The following QRICH1 variants were observed in gnomAD, a reference collection of about 807,000 sequenced individuals.
The protein encoded by QRICH1 is transcriptional regulator QRICH1.
In QRICH1, 16 loss-of-function variants were observed where a neutral mutation model predicts 87.1. The observed-to-expected ratio is 0.18, with a 90% CI of 0.12 to 0.28. The LOEUF is 0.28. Ranked by LOEUF, QRICH1 falls within the 10% of genes least tolerant of loss-of-function variation. The probability of loss-of-function intolerance (pLI) is 1.00; values close to 1 mark genes in which losing one functional copy is unlikely to be tolerated. For missense variants in QRICH1, 647 were observed against 951.7 expected (o/e 0.68, Z 4.21); for synonymous variants, 367 against 368.4 (o/e 1.00, Z 0.05).
At chr3:49,054,291 C>G (rs947210181) in intron 3 of QRICH1, among the ~76,000 whole-genome samples, 1 of 152,162 alleles carries the variant, frequency 6.6e-6, no homozygotes, top group South Asian at 2.1e-4. Flanking sequence ...TAATGGGCTC[C>G]ATCTCTGTGA....
At chr3:49,046,622 C>T (rs772967106) in intron 4 of QRICH1, 43 bp from the exon 5 acceptor site, 4 of 1,601,276 alleles carry the variant, frequency 2.5e-6, no homozygotes, top group Non-Finnish European at 3.4e-6. Context: ...CCTGGGGGTC[C>T]ATATCTGGAA....
chr3:49,038,226 A>G (rs963491732), intron 6 of QRICH1, among the ~76,000 whole-genome samples: 3 of 151,406 alleles, frequency 2.0e-5, no homozygotes, highest in African/African-American at 4.9e-5. Context: ...ACGCCCAGCT[A>G]ATTTTTTTGT....
chr3:49,054,566 T>C (rs939802918), intron 3 of QRICH1, among the ~76,000 whole-genome samples: 3 of 151,666 alleles, frequency 2.0e-5, no homozygotes, highest in African/African-American at 7.3e-5. Context: ...GGCTCTGTAT[T>C]TATGCTGTTC....
At chr3:49,030,692 C>A (rs565849987) in intron 9 of QRICH1, 48 bp from the exon 10 acceptor site, 1 of 1,441,170 alleles carries the variant, frequency 6.9e-7, no homozygotes, top group South Asian at 1.4e-5. Context: ...ATAACTTCAA[C>A]CCTCCCACCC....
rs551771971 is a variant in QRICH1, at chr3:49,057,693, G to C, written c.507C>G (p.Ile169Met). ...GGGCTGCTTGCACGTGCTGCACCTG[G>C]ATCTGAGCTGCTTGCAGCTGCGAGG... is the stretch of plus-strand genomic sequence containing the variant. ...PSPSQLQAAQ[I>M]QVQHVQAAQQ... Residue 169 changes from isoleucine to methionine, a missense_variant, in exon 3 of 10, where the codon ATC (isoleucine) becomes ATG (methionine). Ile to Met is a conservative substitution (Grantham distance 10). Around this residue, in one of 7 missense-constraint regions of QRICH1, gnomAD observed 156 missense variants for 164.5 expected, o/e 0.95. Transcript: ENST00000395443. The surrounding 1 kb of genome is among the most constrained non-coding windows in gnomAD (Gnocchi z 5.4). 1 of 1,614,214 alleles carries C rather than the reference G, an allele frequency of 6.2e-7. No individual in the cohort carries two copies. The highest frequency in any genetic ancestry group is 8.5e-7 in the Non-Finnish European group (1 of 1,180,044).
intron 1 of QRICH1, among the ~76,000 whole-genome samples, chr3:49,081,152 C>T (rs1559953963): frequency 1.3e-5 from 2 of 152,058 alleles, no homozygotes; most frequent in Non-Finnish European, 1.5e-5. Context: ...TGCGGTGGCT[C>T]AGGCCTCTAA....
chr3:49,079,780 G>A (rs1490069940), intron 1 of QRICH1, among the ~76,000 whole-genome samples: 3 of 152,146 alleles, frequency 2.0e-5, no homozygotes, highest in Non-Finnish European at 2.9e-5. Context: ...TGTAATCCCA[G>A]CACTTTGGGA....
intron 5 of QRICH1, among the ~76,000 whole-genome samples, chr3:49,045,499 T>C (rs759678491): frequency 6.6e-6 from 1 of 152,230 alleles, no homozygotes; most frequent in South Asian, 2.1e-4. Flanking sequence ...GGCACAATCA[T>C]AGCTGAATGC....
chr3:49,058,153 A>C (rs1351350045), intron 2 of QRICH1: 2 of 538,600 alleles, frequency 3.7e-6, no homozygotes, highest in Admixed American at 3.7e-5. Context: ...TACCAAAAAA[A>C]AAAATTTTTT....
intron 2 of QRICH1, among the ~76,000 whole-genome samples, chr3:49,061,134 TAAAAAAAAAAAAA>T (rs57557768): frequency 1.3e-4 from 5 of 39,720 alleles, no homozygotes; most frequent in South Asian, 2.3e-3. Flanking sequence ...GCCTCCATCT[TAAAAAAAAAAAAA>T]AAAAAAAAAA....
At chr3:49,053,534 T>A (rs2093384635) in intron 3 of QRICH1, among the ~76,000 whole-genome samples, 1 of 150,888 alleles carries the variant, frequency 6.6e-6, no homozygotes, top group Non-Finnish European at 1.5e-5. Context: ...TGCTGTGTTG[T>A]ATGTTGCTGT....
intron 2 of QRICH1, among the ~76,000 whole-genome samples, chr3:49,066,206 T>C (rs932234967): frequency 1.3e-5 from 2 of 151,958 alleles, no homozygotes; most frequent in African/African-American, 4.8e-5. Context: ...GAGAACTACT[T>C]GAACTCAAGA....
chr3:49,075,437 C>A (rs1245538923), intron 2 of QRICH1, among the ~76,000 whole-genome samples: 1 of 151,976 alleles, frequency 6.6e-6, no homozygotes, highest in African/African-American at 2.4e-5. Context: ...TCGAGACCAG[C>A]CTGGCCAACA....
At chr3:49,053,102 A>G (rs1196512927) in intron 3 of QRICH1, among the ~76,000 whole-genome samples, 2 of 152,118 alleles carry the variant, frequency 1.3e-5, no homozygotes, top group East Asian at 1.9e-4. Context: ...TGATTCAGAG[A>G]GAGGAGGAGA....
chr3:49,044,261 G>A (rs546027384), intron 6 of QRICH1, 129 bp downstream of exon 6: 2 of 732,946 alleles, frequency 2.7e-6, no homozygotes, highest in East Asian at 5.3e-5. Context: ...TAGCACAGTG[G>A]CCAATGCTGC....
Position 49,044,442 on chromosome 3 carries a change from C to A in QRICH1, c.1734G>T (p.Thr578=). 6.2e-7 allele frequency: 1 copy of A among 1,613,816 alleles called. No individual in the cohort carries two copies. Among genetic ancestry groups the A allele is most frequent in the Non-Finnish European group, 8.5e-7 (1 of 1,179,894 alleles). The change falls in exon 6 of 10, where the codon ACG becomes ACT. Residue 578 remains threonine (T), a synonymous_variant. Coordinates refer to ENST00000395443, the MANE Select transcript of QRICH1 (RefSeq NM_198880.3). ...IFSDLYYVRF[T]EWLHEVLKDV... ...CCTTCAGAACTTCATGTAGCCACTCCGTGAACCGAACATAATAAAGATCGG... is the reference window on the plus strand; with the variant it reads ...CCTTCAGAACTTCATGTAGCCACTCAGTGAACCGAACATAATAAAGATCGG...
chr3:49,056,928 C>A lies in QRICH1; in HGVS notation c.1272G>T (p.Gln424His). 6.2e-7 allele frequency: 1 copy of A among 1,614,100 alleles called. No individual in the cohort carries two copies. The highest frequency in any genetic ancestry group is 2.2e-5 in the East Asian group (1 of 44,874). ...GTGGTGTCTGTTCCTGGGGAGTTTG[C>A]TGCTGCGGCTGCTGTTGGGGGTCCC... is the stretch of plus-strand genomic sequence containing the variant. ...HIWDPQQQPQQQTPQEQTPPP... is the reference protein window; with the variant it reads ...HIWDPQQQPQHQTPQEQTPPP... The change falls in exon 3 of 10, where the codon CAG (glutamine) becomes CAT (histidine). Residue 424 changes from glutamine to histidine, a missense_variant. Physicochemically the swap from Gln to His is conservative, Grantham distance 24. Transcript: ENST00000395443.
In QRICH1 at chr3:49,030,053, AGTCT is replaced by A. The variant is rs746778973; in HGVS notation, c.*395_*398del. On this transcript the variant is annotated 3_prime_UTR_variant, in exon 10 of 10. Transcript: ENST00000395443. ...AACATCGTTCCCCTGTGGTCAGCAA[AGTCT>A]GTCAGCCCAGTGGAAGTCGGCTGGG... is the stretch of plus-strand genomic sequence containing the variant. The A allele has an allele frequency of 3.3e-6, 1 of 304,300 alleles. No homozygotes were observed. Among genetic ancestry groups the A allele is most frequent in the Non-Finnish European group, 6.0e-6 (1 of 166,522 alleles). 18.8% of individuals were successfully genotyped at this position (304,300 alleles called of 1,614,324 possible).
chr3:49,064,692 C>T (rs1042325296), intron 2 of QRICH1, among the ~76,000 whole-genome samples: 6 of 151,982 alleles, frequency 3.9e-5, no homozygotes, highest in South Asian at 2.1e-4. Flanking sequence ...GGTGAAACCC[C>T]GTCTATACTA....
Sources: allele counts gnomAD v4.1 joint callset (sites outside exome capture counted in the v4.1 genomes callset), GRCh38; gene constraint gnomAD v4.1.1; regional missense constraint gnomAD v4.1.1; non-coding constraint Gnocchi (gnomAD v3.1); transcripts MANE v1.5; gene names NCBI Gene and HGNC (gene_info 2026-07-23, HGNC 2026-07-21).